The following AGAP2 variants were observed in gnomAD, a reference collection of about 807,000 sequenced individuals.
AGAP2 encodes ArfGAP with GTPase domain, ankyrin repeat and PH domain 2.
A neutral mutation model predicts 110.9 loss-of-function variants in AGAP2; 32 were observed. The observed-to-expected ratio is 0.29, with a 90% CI of 0.22 to 0.39. AGAP2 has a LOEUF of 0.39. Ranked by LOEUF, AGAP2 falls within the 10% of genes least tolerant of loss-of-function variation. The pLI, the probability that AGAP2 is intolerant of heterozygous loss-of-function variation, is 1.00. For missense variants in AGAP2, 1,285 were observed against 1,638.5 expected (o/e 0.78, Z 3.72); for synonymous variants, 702 against 713.0 (o/e 0.98, Z 0.25).
At chr12:57,735,314 G>T in intron 2 of AGAP2, 55 bp downstream of exon 2, 1 of 1,482,624 alleles carries the variant, frequency 6.7e-7, no homozygotes, top group Non-Finnish European at 9.4e-7. Flanking sequence ...AGAGCTGAGA[G>T]TGCAGTGGGT....
downstream of AGAP2, chr12:57,723,966 A>C (rs1954725709): frequency 6.6e-6 from 1 of 152,236 alleles, no homozygotes; most frequent in Non-Finnish European, 1.5e-5. Flanking sequence ...GAGCTGAAAT[A>C]AGAGAGTCCA....
At chr12:57,733,856 T>C (rs1234520629) in intron 5 of AGAP2, among the ~76,000 whole-genome samples, 170 bp downstream of exon 5, 1 of 152,168 alleles carries the variant, frequency 6.6e-6, no homozygotes, top group African/African-American at 2.4e-5. Context: ...TGGGAAGTTA[T>C]TGTTTGGTTT....
intron 5 of AGAP2, among the ~76,000 whole-genome samples, 175 bp from the exon 6 acceptor site, chr12:57,733,154 T>C (rs1440429253): frequency 6.6e-6 from 1 of 151,864 alleles, no homozygotes; most frequent in African/African-American, 2.4e-5. Flanking sequence ...TTCTGAGTAC[T>C]GGGCCCAGTT....
rs1954770297 is a variant in AGAP2 at position 57,726,705 on chromosome 12, G to A, written c.3426C>T (p.Ile1142=). 1 of 1,250,820 alleles carries A rather than the reference G, an allele frequency of 8.0e-7. No homozygotes were observed. The highest frequency in any genetic ancestry group is 1.0e-6 in the Non-Finnish European group (1 of 997,316). The allele number at this position is 1,250,820 out of a possible 1,614,324, so 77.5% of individuals were successfully genotyped here. The part of the protein sequence containing the change: ...RQAGSQLCAD[I]LLQHGCPGEG... ...CACCCGGGCAGCCGTGCTGGAGAAG[G>A]ATGTCGGCGCACAGCTGGCTTCCAG... is the stretch of plus-strand genomic sequence containing the variant. Residue 1142 remains isoleucine, a synonymous_variant, in exon 19 of 19, where the codon ATC becomes ATT. Transcript: ENST00000547588. This position sits in a 1 kb window ranked among gnomAD's most constrained non-coding sequence, Gnocchi z 5.7.
intron 13 of AGAP2, among the ~76,000 whole-genome samples, chr12:57,728,904 A>C (rs1185690531): frequency 1.3e-5 from 2 of 152,132 alleles, no homozygotes; most frequent in Admixed American, 1.3e-4. Flanking sequence ...TCATGCCTGT[A>C]ATCCCCACCG....
In AGAP2 at chr12:57,738,018, A is replaced by C; in HGVS notation, c.229T>G (p.Trp77Gly). The C allele has an allele frequency of 6.6e-7, 1 of 1,513,324 alleles. No individual in the cohort carries two copies. Among genetic ancestry groups the C allele is most frequent in the Non-Finnish European group, 8.8e-7 (1 of 1,136,650 alleles). 93.7% of individuals were successfully genotyped at this position (1,513,324 alleles called of 1,614,324 possible). A position where few individuals can be genotyped will look rare whatever the true frequency, so the allele number is the denominator to read the frequency against. Residue 77 changes from tryptophan to glycine, a missense_variant, in exon 1 of 19, where the codon TGG becomes GGG. Trp to Gly is a radical substitution (Grantham distance 184). This residue lies in a region of AGAP2 where 844 missense variants were observed against 941.2 expected (regional missense o/e 0.90). Transcript: ENST00000547588. The surrounding 1 kb of genome is among the most constrained non-coding windows in gnomAD (Gnocchi z 6.7). ...ERLFHRQDAL[W>G]ISTSSAGTGG... Reference sequence around the variant, plus strand: ...GTGCCCGCGCTGCTCGTGCTGATCCACAGCGCATCCTGCCGGTGGAAGAGA... The same window carrying C: ...GTGCCCGCGCTGCTCGTGCTGATCCCCAGCGCATCCTGCCGGTGGAAGAGA...
At position 57,737,049 on chromosome 12, in the gene AGAP2, T is replaced by G. The variant is rs1278701097; in HGVS notation, c.1168+30A>C. On this transcript the variant is annotated intron_variant, in intron 1 of 18. Coordinates refer to ENST00000547588, the MANE Select transcript of AGAP2 (RefSeq NM_001122772.3). The surrounding 1 kb of genome is among the most constrained non-coding windows in gnomAD (Gnocchi z 5.9). The stretch of plus-strand genomic sequence containing the variant: ...GCTGAGCATTCCAGGTACCCTTCCC[T>G]CCCTGTTCTCAAGCCCTGACTCAAC... 1.4e-6 allele frequency: 2 copies of G among 1,475,832 alleles called. No homozygotes were observed. Among genetic ancestry groups the G allele is most frequent in the East Asian group, 4.9e-5 (2 of 40,762 alleles). The allele number at this position is 1,475,832 out of a possible 1,614,324, so 91.4% of individuals were successfully genotyped here. A position where few individuals can be genotyped will look rare whatever the true frequency, so the allele number is the denominator to read the frequency against.
In AGAP2 at chr12:57,726,805, G is replaced by A; in HGVS notation, c.3337-11C>T. On this transcript the variant is annotated splice_polypyrimidine_tract_variant and intron_variant, in intron 18 of 18. Coordinates refer to ENST00000547588, the MANE Select transcript of AGAP2 (RefSeq NM_001122772.3). The surrounding 1 kb of genome is among the most constrained non-coding windows in gnomAD (Gnocchi z 5.7). ...CACGTCCGCGCCGTACTAGAGGGCGGAAACGGCCGCGTGACCGCGCGTCCC... is the reference window on the plus strand; with the variant it reads ...CACGTCCGCGCCGTACTAGAGGGCGAAAACGGCCGCGTGACCGCGCGTCCC... The A allele has an allele frequency of 7.0e-7, 1 of 1,426,758 alleles. No individual in the cohort carries two copies. The highest frequency in any genetic ancestry group is 9.1e-7 in the Non-Finnish European group (1 of 1,095,100). 88.4% of individuals were successfully genotyped at this position (1,426,758 alleles called of 1,614,324 possible).
At position 57,737,728 on chromosome 12, in the gene AGAP2, G is replaced by T. The variant is rs1189383631; in HGVS notation, c.519C>A (p.Thr173=). Residue 173 remains threonine (T), a synonymous_variant, in exon 1 of 19, where the codon ACC becomes ACA. Transcript: ENST00000547588. This position sits in a 1 kb window ranked among gnomAD's most constrained non-coding sequence, Gnocchi z 5.9. The part of the protein sequence containing the change: ...IPGSSSPHPG[T]GSRRLKVAPP... ...GCGCCACCTTGAGCCTCCGGCTGCC[G>T]GTGCCAGGGTGCGGAGAGGATGAGC... 4 of 1,544,316 alleles carry T rather than the reference G, an allele frequency of 2.6e-6. No individual in the cohort carries two copies. Among genetic ancestry groups the T allele is most frequent in the East Asian group, 2.4e-5 (1 of 41,288 alleles).
At chr12:57,727,614 C>G (rs746631831) in intron 16 of AGAP2, 32 bp from the exon 17 acceptor site, 18 of 1,591,574 alleles carry the variant, frequency 1.1e-5, no homozygotes, top group Non-Finnish European at 1.5e-5. Flanking sequence ...CGGCTCCCAG[C>G]CGGGCAGCAC....
chr12:57,737,309 G>C lies in AGAP2; in HGVS notation c.938C>G (p.Pro313Arg). Residue 313 changes from proline (P) to arginine (R), a missense_variant, in exon 1 of 19, where the codon CCC becomes CGC. This residue lies in a region of AGAP2 where 844 missense variants were observed against 941.2 expected (regional missense o/e 0.90). Coordinates refer to ENST00000547588, the MANE Select transcript of AGAP2 (RefSeq NM_001122772.3). The surrounding 1 kb of genome is among the most constrained non-coding windows in gnomAD (Gnocchi z 5.9). ...CAGAGTGATTGGAGGTGCAGGCCCG[G>C]GGGGCTGCGCGGAAGCAGCGGTGAC... is the stretch of plus-strand genomic sequence containing the variant. ...TAVTAASAQP[P>R]GPAPPITLEP... The C allele has an allele frequency of 6.2e-7, 1 of 1,613,806 alleles. No individual in the cohort carries two copies. Among genetic ancestry groups the C allele is most frequent in the Admixed American group, 1.7e-5 (1 of 60,026 alleles).
chr12:57,727,628 C>G (rs753251481), intron 16 of AGAP2, 46 bp from the exon 17 acceptor site: 1 of 1,589,976 alleles, frequency 6.3e-7, no homozygotes, highest in Non-Finnish European at 8.5e-7. Flanking sequence ...GCAGCACAGG[C>G]ACCCCGGCAT....
At chr12:57,728,957 C>T (rs1302581456) in intron 13 of AGAP2, among the ~76,000 whole-genome samples, 2 of 152,118 alleles carry the variant, frequency 1.3e-5, no homozygotes, top group African/African-American at 2.4e-5. Context: ...GGGCAGATCA[C>T]GAGGTCAGGA....
chr12:57,731,683 G>A (rs1954888453), intron 8 of AGAP2, 41 bp from the exon 9 acceptor site: 12 of 1,612,276 alleles, frequency 7.4e-6, no homozygotes, highest in Non-Finnish European at 1.0e-5. Flanking sequence ...TGGATAGAGG[G>A]ATACACTGAT....
rs1400926320 is a variant in AGAP2 at position 57,730,498 on chromosome 12, T to A, written c.2425A>T (p.Thr809Ser). 1 of 1,614,156 alleles carries A rather than the reference T, an allele frequency of 6.2e-7. No individual in the cohort carries two copies. Among genetic ancestry groups the A allele is most frequent in the Admixed American group, 1.7e-5 (1 of 60,014 alleles). The change falls in exon 12 of 19, where the codon ACG becomes TCG. Residue 809 changes from threonine to serine, a missense_variant. Thr to Ser is a moderately conservative substitution (Grantham distance 58). Around this residue, in one of 7 missense-constraint regions of AGAP2, gnomAD observed 135 missense variants for 182.0 expected, o/e 0.74. Coordinates refer to ENST00000547588, the MANE Select transcript of AGAP2 (RefSeq NM_001122772.3). Reference protein sequence around the residue: ...PDRNLARALSTDCTPSGDLSP... With the variant: ...PDRNLARALSSDCTPSGDLSP... The stretch of plus-strand genomic sequence containing the variant: ...ATGGAAGGTCATCCCCACTGACCCG[T>A]GCTGAGGGCTCGGGCCAAATTCCGG...
chr12:57,736,161 GA>G (rs1565796876), intron 1 of AGAP2, among the ~76,000 whole-genome samples: 5 of 151,846 alleles, frequency 3.3e-5, no homozygotes, highest in Non-Finnish European at 7.4e-5. Flanking sequence ...GCTGCGGCGG[GA>G]ACTCTGGGAT....
At position 57,738,236 on chromosome 12, in the gene AGAP2, C is replaced by A; in HGVS notation, c.11G>T (p.Gly4Val). The A allele has an allele frequency of 6.6e-7, 1 of 1,515,558 alleles. No homozygotes were observed. The highest frequency in any genetic ancestry group is 2.6e-5 in the East Asian group (1 of 38,420). The allele number at this position is 1,515,558 out of a possible 1,614,324, so 93.9% of individuals were successfully genotyped here. Residue 4 changes from glycine to valine, a missense_variant, in exon 1 of 19, where the codon GGC becomes GTC. Physicochemically the swap from Gly to Val is moderately radical, Grantham distance 109. Transcript: ENST00000547588. The surrounding 1 kb of genome is among the most constrained non-coding windows in gnomAD (Gnocchi z 6.7). The stretch of plus-strand genomic sequence containing the variant: ...TGTCCGGCGCTGAAGCGCGCCCGCG[C>A]CCCGGCTCATGGGGCCCGGAGACCC... The part of the protein sequence containing the change: MSR[G>V]AGALQRRTTT...
intron 6 of AGAP2, 96 bp downstream of exon 6, chr12:57,732,749 G>A: frequency 6.4e-7 from 1 of 1,558,932 alleles, no homozygotes; most frequent in East Asian, 2.2e-5. Context: ...CTAATTTCCT[G>A]TCACTCACAG....
chr12:57,735,528 C>G (rs189847673), intron 1 of AGAP2, 101 bp from the exon 2 acceptor site: 5 of 1,125,426 alleles, frequency 4.4e-6, no homozygotes, highest in Non-Finnish European at 2.6e-6. Context: ...AACCCCCCCC[C>G]AACCCTGCCT....
Sources: gnomAD v4.1 joint callset for allele counts (sites outside exome capture counted in the v4.1 genomes callset) on GRCh38, gnomAD v4.1.1 for gene constraint, gnomAD v4.1.1 regional missense constraint, Gnocchi (gnomAD v3.1) non-coding constraint, MANE v1.5 for transcripts, NCBI Gene and HGNC (gene_info 2026-07-23, HGNC 2026-07-21) for gene names.